The following TACR1 variants were observed in gnomAD, a reference collection of about 807,000 sequenced individuals.
TACR1 encodes tachykinin receptor 1.
A neutral mutation model predicts 35.8 loss-of-function variants in TACR1; 25 were observed. That is an observed-to-expected ratio of 0.70 (90% CI 0.51 to 0.98). The LOEUF is 0.98. Ranked by LOEUF, TACR1 falls within the 50% of genes least tolerant of loss-of-function variation. The probability of loss-of-function intolerance (pLI) is 0.00; values close to 1 mark genes in which losing one functional copy is unlikely to be tolerated. For synonymous variants in TACR1, 195 were observed against 206.7 expected, an observed-to-expected ratio of 0.94 and a Z score of 0.48; for missense variants, 478 against 522.9, an observed-to-expected ratio of 0.91 and a Z score of 0.84.
At chr2:75,080,385 G>A (rs1288001504) in intron 2 of TACR1, among the ~76,000 whole-genome samples, 1 of 152,136 alleles carries the variant, frequency 6.6e-6, no homozygotes, top group Non-Finnish European at 1.5e-5. Context: ...CTTCACTTGA[G>A]CATCTATCGC....
At chr2:75,101,641 G>A (rs1304062720) in intron 2 of TACR1, among the ~76,000 whole-genome samples, 1 of 152,050 alleles carries the variant, frequency 6.6e-6, no homozygotes, top group Non-Finnish European at 1.5e-5. Context: ...TAAATGCTAG[G>A]TTCTCTTTGG....
chr2:75,079,405 C>T (rs1228869445), intron 2 of TACR1, among the ~76,000 whole-genome samples: 3 of 152,202 alleles, frequency 2.0e-5, no homozygotes, highest in Admixed American at 6.5e-5. Context: ...AACCCAGTTA[C>T]TTTCTACTGG....
intron 1 of TACR1, among the ~76,000 whole-genome samples, chr2:75,161,473 G>C (rs556089395): frequency 6.6e-5 from 10 of 152,076 alleles, no homozygotes; most frequent in Non-Finnish European, 1.2e-4. Context: ...ATCTTTCACA[G>C]AGGTACAATC....
intron 2 of TACR1, among the ~76,000 whole-genome samples, chr2:75,073,041 C>A (rs543477314): frequency 4.6e-5 from 7 of 152,280 alleles, no homozygotes; most frequent in African/African-American, 1.4e-4. Flanking sequence ...AACAAATAAT[C>A]TCAGCAAAAA....
intron 2 of TACR1, among the ~76,000 whole-genome samples, chr2:75,081,659 A>G (rs955000394): frequency 3.3e-5 from 5 of 152,200 alleles, no homozygotes; most frequent in African/African-American, 1.2e-4. Flanking sequence ...TTGTCCTGCA[A>G]GGGCAAGTTT....
At chr2:75,167,105 C>T (rs971321640) in intron 1 of TACR1, among the ~76,000 whole-genome samples, 3 of 152,076 alleles carry the variant, frequency 2.0e-5, no homozygotes, top group Non-Finnish European at 4.4e-5. Flanking sequence ...AACAATGAAA[C>T]TAAAATGTGC....
intron 1 of TACR1, among the ~76,000 whole-genome samples, chr2:75,125,478 C>A (rs1029203012): frequency 5.9e-5 from 9 of 152,176 alleles, no homozygotes; most frequent in Non-Finnish European, 1.2e-4. Context: ...AGCCACCGCG[C>A]CGGGCCTTTA....
intron 1 of TACR1, among the ~76,000 whole-genome samples, chr2:75,168,121 G>C (rs928434770): frequency 6.6e-6 from 1 of 152,176 alleles, no homozygotes; most frequent in Non-Finnish European, 1.5e-5. Context: ...AGTTTTCACA[G>C]ACTATGTAGA....
chr2:75,135,163 C>T (rs1014812254), intron 1 of TACR1, among the ~76,000 whole-genome samples: 1 of 152,308 alleles, frequency 6.6e-6, no homozygotes, highest in Non-Finnish European at 1.5e-5. Flanking sequence ...TTTCCTCTTC[C>T]CATGCGGGCC....
chr2:75,123,504 A>G (rs1454633164), intron 1 of TACR1, among the ~76,000 whole-genome samples: 1 of 152,136 alleles, frequency 6.6e-6, no homozygotes, highest in Non-Finnish European at 1.5e-5. Context: ...TTTTATCCTT[A>G]TTGCAAAAAT....
At chr2:75,139,520 C>T (rs1294228416) in intron 1 of TACR1, among the ~76,000 whole-genome samples, 1 of 152,246 alleles carries the variant, frequency 6.6e-6, no homozygotes, top group Non-Finnish European at 1.5e-5. Flanking sequence ...TCCGTTGGAA[C>T]ACGGGCTTAG....
At position 75,198,634 on chromosome 2, in the gene TACR1, CG is replaced by C; in HGVS notation, c.300del (p.Tyr100Ter). On this transcript the variant is annotated frameshift_variant, in exon 1 of 5. Coordinates refer to ENST00000305249, the MANE Select transcript of TACR1 (RefSeq NM_001058.4). LOFTEE classifies it high-confidence loss of function. The stretch of plus-strand genomic sequence containing the variant: ...TTGTGGAACTTGCAGTAGAACAGGC[CG>C]TAGTACCATTCGTTGTGGACAGCAT... Reference protein sequence around the residue: ...FTYAVHNEWYYGLFYCKFHNF... With the variant: ...FTYAVHNEWYXGLFYCKFHNF... The C allele has an allele frequency of 6.2e-7, 1 of 1,614,192 alleles. No homozygotes were observed. The highest frequency in any genetic ancestry group is 8.5e-7 in the Non-Finnish European group (1 of 1,180,034).
chr2:75,162,196 T>C (rs1224484048), intron 1 of TACR1, among the ~76,000 whole-genome samples: 1 of 152,152 alleles, frequency 6.6e-6, no homozygotes, highest in Non-Finnish European at 1.5e-5. Context: ...GAATAAAATG[T>C]TATTGCTCTG....
Position 75,047,452 on chromosome 2 carries a change from C to T in TACR1, c.*1980G>A, listed in dbSNP as rs1672387061. The T allele has an allele frequency of 6.6e-6, 1 of 152,246 alleles. No homozygotes were observed. The highest frequency in any genetic ancestry group is 2.1e-4 in the South Asian group (1 of 4,820). The allele number at this position is 152,246 out of a possible 1,614,324, so 9.4% of individuals were successfully genotyped here. A position where few individuals can be genotyped will look rare whatever the true frequency, so the allele number is the denominator to read the frequency against. Reference sequence around the variant, plus strand: ...TTCAGGGCAAAGTCCAGAGGAGGCACTCAGTTAATCCTCGTTGAGCTCAAC... The same window carrying T: ...TTCAGGGCAAAGTCCAGAGGAGGCATTCAGTTAATCCTCGTTGAGCTCAAC... On this transcript the variant is annotated 3_prime_UTR_variant, in exon 5 of 5. Transcript: ENST00000305249.
intron 1 of TACR1, among the ~76,000 whole-genome samples, chr2:75,161,435 G>A (rs1263822408): frequency 1.3e-5 from 2 of 151,808 alleles, no homozygotes; most frequent in African/African-American, 4.8e-5. Context: ...AAAAGAAAAG[G>A]GAATTAGAAA....
At chr2:75,189,356 C>T (rs1675789794) in intron 1 of TACR1, 1 of 152,180 alleles carries the variant, frequency 6.6e-6, no homozygotes, top group South Asian at 2.1e-4. Flanking sequence ...GATTCTGCCA[C>T]TTTTGTTTGT....
At chr2:75,175,155 G>A (rs932808302) in intron 1 of TACR1, among the ~76,000 whole-genome samples, 7 of 152,142 alleles carry the variant, frequency 4.6e-5, no homozygotes, top group Non-Finnish European at 8.8e-5. Flanking sequence ...TTTGCAAATT[G>A]GATATTTGTG....
At chr2:75,067,227 G>T (rs552339679) in intron 2 of TACR1, among the ~76,000 whole-genome samples, 1 of 152,272 alleles carries the variant, frequency 6.6e-6, no homozygotes, top group Admixed American at 6.5e-5. Context: ...ATTAAGCCAG[G>T]CTTCCTCAAC....
chr2:75,178,821 T>C (rs1675491464), intron 1 of TACR1, among the ~76,000 whole-genome samples: 1 of 152,230 alleles, frequency 6.6e-6, no homozygotes, highest in Non-Finnish European at 1.5e-5. Flanking sequence ...TTCTCTTAAC[T>C]CACTGGCTAT....
Sources: gnomAD v4.1 joint callset for allele counts (sites outside exome capture counted in the v4.1 genomes callset) on GRCh38, gnomAD v4.1.1 for gene constraint, MANE v1.5 for transcripts, NCBI Gene and HGNC (gene_info 2026-07-23, HGNC 2026-07-21) for gene names.